GALNT1: variants seen among roughly 807,000 people sequenced by gnomAD.
The protein encoded by GALNT1 is GalNAc transferase 1.
A neutral mutation model predicts 65.7 loss-of-function variants in GALNT1; 17 were observed. That is an observed-to-expected ratio of 0.26 (90% CI 0.18 to 0.39). The LOEUF (loss-of-function observed/expected upper bound fraction) is 0.39, where lower values mean the gene tolerates loss of function less well. Ranked by LOEUF, GALNT1 falls within the 10% of genes least tolerant of loss-of-function variation. The pLI, the probability that GALNT1 is intolerant of heterozygous loss-of-function variation, is 1.00. For synonymous variants in GALNT1, 210 were observed against 219.7 expected (o/e 0.96, Z 0.39); for missense variants, 460 against 672.8 (o/e 0.68, Z 3.50).
intron 1 of GALNT1, among the ~76,000 whole-genome samples, chr18:35,617,182 A>G (rs1424530139): frequency 6.6e-6 from 1 of 152,068 alleles, no homozygotes; most frequent in Non-Finnish European, 1.5e-5. Flanking sequence ...TATTACAGGT[A>G]TTTATATTGA....
intron 3 of GALNT1, among the ~76,000 whole-genome samples, chr18:35,675,786 G>C (rs2047703025): frequency 6.6e-6 from 1 of 152,116 alleles, no homozygotes; most frequent in African/African-American, 2.4e-5. Flanking sequence ...ATTCACTTGG[G>C]AAAAGAGATT....
At chr18:35,704,253 T>C (rs1472249813) in intron 11 of GALNT1, among the ~76,000 whole-genome samples, 1 of 151,824 alleles carries the variant, frequency 6.6e-6, no homozygotes, top group African/African-American at 2.4e-5. Flanking sequence ...TTTCTTTCTC[T>C]GGTTCTTTTT....
At chr18:35,624,418 C>T (rs1226513456) in intron 1 of GALNT1, among the ~76,000 whole-genome samples, 11 of 152,124 alleles carry the variant, frequency 7.2e-5, no homozygotes, top group Non-Finnish European at 2.9e-5. Context: ...GTGAGTGTCT[C>T]ATGCTTTCAC....
At chr18:35,649,313 A>G (rs1194403557) in intron 1 of GALNT1, among the ~76,000 whole-genome samples, 3 of 152,064 alleles carry the variant, frequency 2.0e-5, no homozygotes, top group Non-Finnish European at 4.4e-5. Flanking sequence ...CTTTTCATGT[A>G]CTCATTTGCC....
intron 9 of GALNT1, among the ~76,000 whole-genome samples, chr18:35,696,905 C>T (rs1232431861): frequency 6.6e-6 from 1 of 152,184 alleles, no homozygotes; most frequent in Non-Finnish European, 1.5e-5. Context: ...AATGGTTTAA[C>T]AAAGCTCTTA....
chr18:35,581,927 A>G (rs560166310), intron 1 of GALNT1, 65 bp downstream of exon 1: 1 of 150,668 alleles, frequency 6.6e-6, no homozygotes, highest in African/African-American at 2.4e-5. Flanking sequence ...TCGGAGGTGG[A>G]GAAAGAGGCC....
rs951038836 is a variant in GALNT1, at chr18:35,678,770, C to T, written c.481+1013C>T. On this transcript the variant is annotated intron_variant, in intron 4 of 11. Coordinates refer to ENST00000269195, the MANE Select transcript of GALNT1 (RefSeq NM_020474.4). ...AACTTTCTTGCCTATTCTCCCATTG[C>T]ATCTGCTATGATTTAGTTAAGTATC... Among the ~76,000 whole-genome samples, 5 of 152,196 alleles carry T rather than the reference C, an allele frequency of 3.3e-5. No homozygotes were observed. The East Asian group carries it at 9.6e-4, about 29-fold the overall frequency.
At chr18:35,688,826 G>A (rs940571282) in intron 6 of GALNT1, among the ~76,000 whole-genome samples, 15 of 152,176 alleles carry the variant, frequency 9.9e-5, no homozygotes, top group African/African-American at 3.4e-4. Flanking sequence ...GGAGAGGATT[G>A]TGAGGAACAG....
rs77820865 is a variant in GALNT1, at chr18:35,623,310, A to G, written c.-103-31250A>G. 2.8e-3 allele frequency among the ~76,000 whole-genome samples: 425 copies of G among 151,654 alleles called. 2 individuals are homozygous for G. The highest frequency in any genetic ancestry group is 9.6e-3 in the African/African-American group (396 of 41,348). On this transcript the variant is annotated intron_variant, in intron 1 of 11. Coordinates refer to ENST00000269195, the MANE Select transcript of GALNT1 (RefSeq NM_020474.4). The stretch of plus-strand genomic sequence containing the variant: ...GTCATCCTTTTTTTTTCCCCTGTAC[A>G]TACATTTTTTTTTCCCTGTGGATGC...
At chr18:35,702,625 G>A (rs1568037180) in intron 9 of GALNT1, among the ~76,000 whole-genome samples, 1 of 151,820 alleles carries the variant, frequency 6.6e-6, no homozygotes, top group African/African-American at 2.4e-5. Context: ...AGAGTTTGTT[G>A]AACTCAATAC....
chr18:35,669,833 T>C (rs1470244511), intron 3 of GALNT1, among the ~76,000 whole-genome samples: 1 of 152,094 alleles, frequency 6.6e-6, no homozygotes, highest in East Asian at 1.9e-4. Context: ...TCTTAGCCAG[T>C]GTAAGGAGGC....
In GALNT1 at chr18:35,703,590, A is replaced by G. The variant is rs764151758; in HGVS notation, c.1480A>G (p.Met494Val). The change falls in exon 11 of 12, where the codon ATG (methionine) becomes GTG (valine). Residue 494 changes from methionine to valine, a missense_variant. Transcript: ENST00000269195. ...DVSKLNGPVT[M>V]LKCHHLKGNQ... ...TTCCAAACTTAATGGCCCAGTTACAATGCTCAAATGCCACCACCTAAAAGG... is the reference window on the plus strand; with the variant it reads ...TTCCAAACTTAATGGCCCAGTTACAGTGCTCAAATGCCACCACCTAAAAGG... The G allele has an allele frequency of 3.1e-6, 5 of 1,614,036 alleles. No homozygotes were observed. The highest frequency in any genetic ancestry group is 2.2e-5 in the East Asian group (1 of 44,860).
intron 1 of GALNT1, among the ~76,000 whole-genome samples, chr18:35,586,086 A>G (rs973343789): frequency 4.6e-5 from 7 of 152,328 alleles, no homozygotes; most frequent in Admixed American, 4.6e-4. Flanking sequence ...AACATCCCAA[A>G]GTGCCGGGAT....
chr18:35,641,309 T>C (rs1598792504), intron 1 of GALNT1, among the ~76,000 whole-genome samples: 1 of 152,082 alleles, frequency 6.6e-6, no homozygotes, highest in African/African-American at 2.4e-5. Context: ...TAGGCGGGCA[T>C]GATGGCGTGT....
At chr18:35,614,730 T>A (rs73946655) in intron 1 of GALNT1, among the ~76,000 whole-genome samples, 2,680 of 152,170 alleles carry the variant, frequency 0.018, 40 homozygotes, top group African/African-American at 0.034. Flanking sequence ...ATAGTAAAAT[T>A]TAAGGACTAA....
chr18:35,635,077 A>G (rs2047071741), intron 1 of GALNT1, among the ~76,000 whole-genome samples: 1 of 152,198 alleles, frequency 6.6e-6, no homozygotes, highest in South Asian at 2.1e-4. Flanking sequence ...GATGCACACA[A>G]CATAAAGCTG....
rs1207101727 is a variant in GALNT1 at position 35,654,194 on chromosome 18, AG to A, written c.-103-365del. On this transcript the variant is annotated intron_variant, in intron 1 of 11. Transcript: ENST00000269195. ...CCCAGGTGTTTGATGGGTGTGAAAT[AG>A]TAGCTCACTGTTGTTTTAATTTGCA... Among the ~76,000 whole-genome samples, 8 of 152,198 alleles carry A rather than the reference AG, an allele frequency of 5.3e-5. No individual in the cohort carries two copies. The South Asian group carries it at 1.0e-3, about 20-fold the overall frequency.
chr18:35,610,701 A>C (rs2046706047), intron 1 of GALNT1, among the ~76,000 whole-genome samples: 1 of 152,210 alleles, frequency 6.6e-6, no homozygotes, highest in South Asian at 2.1e-4. Flanking sequence ...TATTTACCAA[A>C]TTAAAGATAA....
chr18:35,660,027 G>A (rs1041164260), intron 2 of GALNT1: 3 of 152,024 alleles, frequency 2.0e-5, no homozygotes, highest in African/African-American at 4.8e-5. Context: ...GTATACCACC[G>A]TAAAAGTGAT....
Sources: allele counts gnomAD v4.1 joint callset (sites outside exome capture counted in the v4.1 genomes callset), GRCh38; gene constraint gnomAD v4.1.1; transcripts MANE v1.5; gene names NCBI Gene and HGNC (gene_info 2026-07-23, HGNC 2026-07-21).